Variants in CACNA1A observed in about 807,000 individuals in gnomAD.
CACNA1A encodes voltage-dependent P/Q-type calcium channel subunit alpha-1A.
A neutral mutation model predicts 262.4 loss-of-function variants in CACNA1A; 57 were observed. The observed-to-expected ratio is 0.22, with a 90% confidence interval of 0.18 to 0.27. CACNA1A has a LOEUF of 0.27. Ranked by LOEUF, CACNA1A falls within the 10% of genes least tolerant of loss-of-function variation. The probability of loss-of-function intolerance (pLI) is 1.00; values close to 1 mark genes in which losing one functional copy is unlikely to be tolerated. For synonymous variants in CACNA1A, 1,431 were observed against 1,419.3 expected (o/e 1.01, Z -0.18); for missense variants, 2,526 against 3,562.8 (o/e 0.71, Z 7.41).
At position 13,307,829 on chromosome 19, in the gene CACNA1A, G is replaced by C. The variant is rs771787140; in HGVS notation, c.1939C>G (p.Pro647Ala). The C allele has an allele frequency of 1.2e-6, 2 of 1,613,906 alleles. No individual in the cohort carries two copies. The highest frequency in any genetic ancestry group is 1.7e-6 in the Non-Finnish European group (2 of 1,179,896). The stretch of plus-strand genomic sequence containing the variant: ...GCTGGAAAAGTATCGAAGTTGGTGG[G>C]AGGAGTCCCTTCATCGAAATTAAAC... ...GQFNFDEGTP[P>A]TNFDTFPAAI... Residue 647 changes from proline (P) to alanine (A), a missense_variant, in exon 15 of 47, where the codon CCC (proline) becomes GCC (alanine). Pro to Ala is a conservative substitution (Grantham distance 27). Around this residue, in one of 17 missense-constraint regions of CACNA1A, gnomAD observed 102 missense variants for 278.9 expected, o/e 0.37. Coordinates refer to ENST00000360228, the MANE Select transcript of CACNA1A (RefSeq NM_001127222.2).
intron 3 of CACNA1A, among the ~76,000 whole-genome samples, chr19:13,435,652 G>GA (rs1373196484): frequency 6.6e-6 from 1 of 152,114 alleles, no homozygotes; most frequent in Non-Finnish European, 1.5e-5. Flanking sequence ...AAGATATTGA[G>GA]AATAGCACTA....
intron 31 of CACNA1A, among the ~76,000 whole-genome samples, chr19:13,242,451 G>A (rs1240372522): frequency 1.3e-5 from 2 of 151,868 alleles, no homozygotes; most frequent in Admixed American, 6.6e-5. Flanking sequence ...ACCTGCCACC[G>A]TGCCCGGCTA....
chr19:13,427,497 G>T (rs996538336), intron 3 of CACNA1A, among the ~76,000 whole-genome samples: 6 of 98,042 alleles, frequency 6.1e-5, no homozygotes, highest in South Asian at 2.9e-4. Context: ...AATAAATAAA[G>T]AGTTCCCCCT....
At chr19:13,372,220 C>A (rs1272555398) in intron 3 of CACNA1A, among the ~76,000 whole-genome samples, 1 of 151,890 alleles carries the variant, frequency 6.6e-6, no homozygotes, top group Non-Finnish European at 1.5e-5. Flanking sequence ...GGAGTGCGAT[C>A]TCCAATGGTG....
At chr19:13,455,869 CAAAA>C (rs766436872) in intron 1 of CACNA1A, among the ~76,000 whole-genome samples, 6 of 76,134 alleles carry the variant, frequency 7.9e-5, no homozygotes, top group Admixed American at 1.5e-4. Context: ...GGCCCTGTCT[CAAAA>C]AAAAAAAAAA....
At chr19:13,461,829 C>T (rs1262588276) in intron 1 of CACNA1A, among the ~76,000 whole-genome samples, 1 of 152,094 alleles carries the variant, frequency 6.6e-6, no homozygotes, top group African/African-American at 2.4e-5. Context: ...GGGGCGGGGG[C>T]TGAAAGAAGA....
At chr19:13,393,134 A>G (rs1472526958) in intron 3 of CACNA1A, among the ~76,000 whole-genome samples, 1 of 152,200 alleles carries the variant, frequency 6.6e-6, no homozygotes, top group Non-Finnish European at 1.5e-5. Context: ...TTCCGGTCCT[A>G]GGAATATCTC....
At chr19:13,404,490 G>A (rs2059967460) in intron 3 of CACNA1A, among the ~76,000 whole-genome samples, 1 of 152,158 alleles carries the variant, frequency 6.6e-6, no homozygotes, top group South Asian at 2.1e-4. Context: ...GTGTTAAGAG[G>A]CGTGCCATCA....
rs2054934761 is a variant in CACNA1A, at chr19:13,214,681, C to T, written c.5732-73G>A. The T allele has an allele frequency of 1.7e-6, 2 of 1,184,026 alleles. No individual in the cohort carries two copies. Among genetic ancestry groups the T allele is most frequent in the South Asian group, 2.6e-5 (2 of 77,990 alleles). 73.3% of individuals were successfully genotyped at this position (1,184,026 alleles called of 1,614,324 possible). ...CTGGACTCTGGGTCAGCTGCAAAGC[C>T]ATAGGCTCCCGAGAACGAGACCCCA... On this transcript the variant is annotated intron_variant, in intron 38 of 46. Coordinates refer to ENST00000360228, the MANE Select transcript of CACNA1A (RefSeq NM_001127222.2). This position sits in a 1 kb window ranked among gnomAD's most constrained non-coding sequence, Gnocchi z 4.1.
intron 46 of CACNA1A, among the ~76,000 whole-genome samples, chr19:13,208,373 CAA>C (rs1278892481): frequency 6.6e-6 from 1 of 152,022 alleles, no homozygotes; most frequent in Non-Finnish European, 1.5e-5. Context: ...GCAGAAGTTT[CAA>C]AAATTACTCA....
At chr19:13,310,471 A>AT (rs2058000618) in intron 12 of CACNA1A, among the ~76,000 whole-genome samples, 2 of 41,438 alleles carry the variant, frequency 4.8e-5, no homozygotes, top group Admixed American at 2.6e-4. Context: ...AAAAAAAAAA[A>AT]AAAAAAAAAA....
At chr19:13,322,439 G>A (rs2058274687) in intron 10 of CACNA1A, among the ~76,000 whole-genome samples, 1 of 152,138 alleles carries the variant, frequency 6.6e-6, no homozygotes, top group South Asian at 2.1e-4. Flanking sequence ...AGAACTGTGA[G>A]AGAAGAAATT....
chr19:13,429,292 G>A (rs1189175907), intron 3 of CACNA1A, among the ~76,000 whole-genome samples: 1 of 151,334 alleles, frequency 6.6e-6, no homozygotes, highest in Non-Finnish European at 1.5e-5. Context: ...GCCTGTCCTG[G>A]TTTCTCTGGG....
intron 3 of CACNA1A, among the ~76,000 whole-genome samples, chr19:13,410,141 C>T (rs1477731210): frequency 1.3e-5 from 2 of 152,090 alleles, no homozygotes; most frequent in African/African-American, 2.4e-5. Flanking sequence ...CAAGAGATGT[C>T]CTCCTGACAC....
chr19:13,346,814 G>A (rs2058796843), intron 6 of CACNA1A, among the ~76,000 whole-genome samples: 3 of 148,214 alleles, frequency 2.0e-5, no homozygotes, highest in African/African-American at 7.4e-5. Context: ...CAAGTAGCTG[G>A]GACTACAGGC....
At chr19:13,321,048 T>C (rs1479309781) in intron 10 of CACNA1A, among the ~76,000 whole-genome samples, 1 of 151,324 alleles carries the variant, frequency 6.6e-6, no homozygotes, top group African/African-American at 2.4e-5. Context: ...TTTCTTTTTT[T>C]TTTGAGATAG....
chr19:13,459,542 G>C (rs920198633), intron 1 of CACNA1A, among the ~76,000 whole-genome samples: 1 of 152,196 alleles, frequency 6.6e-6, no homozygotes. Context: ...ACAGGCATTA[G>C]GAGCCCAGAG....
intron 6 of CACNA1A, among the ~76,000 whole-genome samples, chr19:13,336,865 C>G (rs1353822713): frequency 6.6e-6 from 1 of 152,186 alleles, no homozygotes. Flanking sequence ...AACCACCTGG[C>G]CCCAGAGTCC....
intron 3 of CACNA1A, among the ~76,000 whole-genome samples, chr19:13,377,296 C>A (rs2059436914): frequency 6.6e-6 from 1 of 151,594 alleles, no homozygotes; most frequent in South Asian, 2.1e-4. Context: ...TTACTGCTGA[C>A]AATGCACTGG....
Sources: allele counts gnomAD v4.1 joint callset (sites outside exome capture counted in the v4.1 genomes callset), GRCh38; gene constraint gnomAD v4.1.1; regional missense constraint gnomAD v4.1.1; non-coding constraint Gnocchi (gnomAD v3.1); transcripts MANE v1.5; gene names NCBI Gene and HGNC (gene_info 2026-07-23, HGNC 2026-07-21).